LRRTM4: variants seen among roughly 807,000 people sequenced by gnomAD.
LRRTM4 encodes leucine-rich repeat transmembrane neuronal protein 4.
A neutral mutation model predicts 47.6 loss-of-function variants in LRRTM4; 25 were observed. The ratio of observed to expected loss-of-function variants is 0.53; its 90% CI spans 0.38 to 0.73. The LOEUF is 0.73. LRRTM4 is among the 30% of genes least tolerant of loss of function. The pLI, the probability that LRRTM4 is intolerant of heterozygous loss-of-function variation, is 0.00. For missense variants in LRRTM4, 638 were observed against 713.4 expected (o/e 0.89, Z 1.20); for synonymous variants, 311 against 269.5 (o/e 1.15, Z -1.51).
intron 3 of LRRTM4, among the ~76,000 whole-genome samples, chr2:77,442,090 C>T (rs1002944099): frequency 6.6e-6 from 1 of 152,062 alleles, no homozygotes; most frequent in African/African-American, 2.4e-5. Context: ...CTGAGAACAG[C>T]AGAATGTGGA....
chr2:77,077,951 G>A (rs577379915), intron 3 of LRRTM4, among the ~76,000 whole-genome samples: 1 of 152,096 alleles, frequency 6.6e-6, no homozygotes, highest in Non-Finnish European at 1.5e-5. Context: ...AAGAAAGAGA[G>A]ACACAAAGAA....
intron 3 of LRRTM4, among the ~76,000 whole-genome samples, chr2:76,994,323 A>G (rs1174375051): frequency 6.6e-6 from 1 of 151,932 alleles, no homozygotes; most frequent in Non-Finnish European, 1.5e-5. Context: ...AAAATAAAAT[A>G]AAATAATAAA....
chr2:77,165,766 G>A (rs538294509), intron 3 of LRRTM4, among the ~76,000 whole-genome samples: 5 of 152,194 alleles, frequency 3.3e-5, no homozygotes, highest in Admixed American at 2.0e-4. Flanking sequence ...ACAGCCCTTC[G>A]TGCTAAAACC....
intron 3 of LRRTM4, among the ~76,000 whole-genome samples, chr2:77,174,159 T>A (rs1673129595): frequency 1.3e-5 from 2 of 152,020 alleles, no homozygotes; most frequent in African/African-American, 4.8e-5. Context: ...GCCCGTGCAC[T>A]CCTCCTCCTC....
At chr2:77,061,723 C>A (rs1016846013) in intron 3 of LRRTM4, among the ~76,000 whole-genome samples, 1 of 152,152 alleles carries the variant, frequency 6.6e-6, no homozygotes, top group African/African-American at 2.4e-5. Context: ...GAAAGACCTA[C>A]CACATAATGC....
intron 3 of LRRTM4, among the ~76,000 whole-genome samples, chr2:77,342,918 G>A (rs1671427707): frequency 6.6e-6 from 1 of 151,918 alleles, no homozygotes; most frequent in South Asian, 2.1e-4. Flanking sequence ...TCCAAACTGG[G>A]CCATAAGCAC....
At chr2:76,889,157 T>G (rs114434617) in intron 3 of LRRTM4, among the ~76,000 whole-genome samples, 1,590 of 152,046 alleles carry the variant, frequency 0.01, 33 homozygotes, top group African/African-American at 0.036. Flanking sequence ...GATTTGATTT[T>G]GCACTTGATT....
At chr2:77,007,569 T>C (rs931850425) in intron 3 of LRRTM4, among the ~76,000 whole-genome samples, 12 of 152,214 alleles carry the variant, frequency 7.9e-5, no homozygotes, top group Admixed American at 2.6e-4. Flanking sequence ...TAATCTGCCA[T>C]AGTGCTTTTG....
At chr2:76,942,674 ATCTG>A (rs1675189021) in intron 3 of LRRTM4, among the ~76,000 whole-genome samples, 3 of 123,246 alleles carry the variant, frequency 2.4e-5, no homozygotes, top group Admixed American at 1.8e-4. Context: ...ACCTCTAGGA[ATCTG>A]TGTGTGTGTG....
chr2:76,962,842 G>C lies in LRRTM4; in HGVS notation c.1552-213926C>G, dbSNP rs74703024. 4.3e-3 allele frequency among the ~76,000 whole-genome samples: 652 copies of C among 150,718 alleles called. 24 individuals carry two copies. The South Asian group carries it at 0.069, about 16-fold the overall frequency. On this transcript the variant is annotated intron_variant, in intron 3 of 3. Transcript: ENST00000409884. ...TTGCAATGCTATTTGCACATTTCCA[G>C]AGCATTAAAAAGATGCTAAACTTTA...
chr2:77,141,173 G>A (rs914809386), intron 3 of LRRTM4, among the ~76,000 whole-genome samples: 8 of 152,120 alleles, frequency 5.3e-5, no homozygotes, highest in South Asian at 2.1e-4. Flanking sequence ...ACATGTACAC[G>A]TATGTTTATT....
At chr2:77,184,593 C>A (rs992201871) in intron 3 of LRRTM4, among the ~76,000 whole-genome samples, 2 of 152,080 alleles carry the variant, frequency 1.3e-5, no homozygotes. Context: ...CTACATAAAG[C>A]CTTTCCCAAA....
chr2:77,095,122 T>A (rs1275340825), intron 3 of LRRTM4, among the ~76,000 whole-genome samples: 1 of 152,180 alleles, frequency 6.6e-6, no homozygotes, highest in Non-Finnish European at 1.5e-5. Flanking sequence ...AACAGACATT[T>A]CTCAACAGAA....
At chr2:77,503,819 A>T (rs1235500513) in intron 3 of LRRTM4, among the ~76,000 whole-genome samples, 2 of 151,734 alleles carry the variant, frequency 1.3e-5, no homozygotes, top group African/African-American at 4.8e-5. Context: ...GAAAGAAAAA[A>T]GGCCGACTGT....
intron 3 of LRRTM4, among the ~76,000 whole-genome samples, chr2:76,931,433 TAC>T (rs762989158): frequency 7.9e-5 from 12 of 152,202 alleles, no homozygotes; most frequent in African/African-American, 1.4e-4. Flanking sequence ...CCTTGGGTTG[TAC>T]AGTCTTCCTT....
At chr2:77,211,002 G>A (rs1050841449) in intron 3 of LRRTM4, among the ~76,000 whole-genome samples, 2 of 152,048 alleles carry the variant, frequency 1.3e-5, no homozygotes, top group Non-Finnish European at 2.9e-5. Context: ...GTACGCTAAT[G>A]ACTCCAACAG....
intron 3 of LRRTM4, among the ~76,000 whole-genome samples, chr2:77,067,263 A>G (rs1271363108): frequency 2.0e-5 from 3 of 152,186 alleles, no homozygotes; most frequent in African/African-American, 7.2e-5. Context: ...TTAAAACTTA[A>G]GGGAAAATCC....
At chr2:76,975,725 G>C (rs947832758) in intron 3 of LRRTM4, among the ~76,000 whole-genome samples, 1 of 151,756 alleles carries the variant, frequency 6.6e-6, no homozygotes, top group African/African-American at 2.4e-5. Flanking sequence ...CATTTTGGCA[G>C]AGTACCTTAT....
intron 3 of LRRTM4, among the ~76,000 whole-genome samples, chr2:76,820,685 AAATT>A (rs1032339231): frequency 2.0e-5 from 3 of 151,760 alleles, no homozygotes; most frequent in African/African-American, 4.8e-5. Flanking sequence ...ATGATCATAA[AAATT>A]AATTAAGAGG....
Sources: allele counts gnomAD v4.1 joint callset (sites outside exome capture counted in the v4.1 genomes callset), GRCh38; gene constraint gnomAD v4.1.1; transcripts MANE v1.5; gene names NCBI Gene and HGNC (gene_info 2026-07-23, HGNC 2026-07-21).